CIP2A: variants seen among roughly 807,000 people sequenced by gnomAD.
CIP2A encodes cellular inhibitor of PP2A, also known as protein CIP2A.
In CIP2A, 103 loss-of-function variants were observed where a neutral mutation model predicts 110.9. The ratio of observed to expected loss-of-function variants is 0.93; its 90% CI spans 0.79 to 1.09. The LOEUF (loss-of-function observed/expected upper bound fraction) is 1.09, where lower values mean the gene tolerates loss of function less well. Ranked by LOEUF, CIP2A falls within the 50% of genes least tolerant of loss-of-function variation. CIP2A has a pLI of 0.00. For missense variants in CIP2A, 1,088 were observed against 1,038.4 expected (o/e 1.05, Z -0.66); for synonymous variants, 381 against 361.6 (o/e 1.05, Z -0.61).
chr3:108,571,873 A>C (rs977755976), intron 8 of CIP2A, among the ~76,000 whole-genome samples: 6 of 152,104 alleles, frequency 3.9e-5, no homozygotes, highest in Admixed American at 3.3e-4. Context: ...ATGAGAGTTA[A>C]AGTATGTTTG....
intron 9 of CIP2A, among the ~76,000 whole-genome samples, chr3:108,568,656 T>C (rs573758409): frequency 1.3e-5 from 2 of 152,028 alleles, no homozygotes; most frequent in Non-Finnish European, 1.5e-5. Context: ...ATAATAGACA[T>C]TGGTCTTAAT....
intron 1 of CIP2A, among the ~76,000 whole-genome samples, chr3:108,585,962 A>T (rs1296576396): frequency 6.6e-6 from 1 of 152,070 alleles, no homozygotes; most frequent in East Asian, 1.9e-4. Context: ...CTGGAACTAA[A>T]GGCCAAAAGC....
In CIP2A at chr3:108,560,783, G is replaced by T; in HGVS notation, c.1693C>A (p.Pro565Thr). ...AYRQQETEHI[P>T]RKMPWQSSNH... ...GATGATTGCCAGGGCATTTTTCTGG[G>T]TATATGTTCTGTTTCCTGTTGTCTA... Residue 565 changes from proline (P) to threonine (T), a missense_variant, in exon 14 of 21, where the codon CCC becomes ACC. Pro to Thr is a conservative substitution (Grantham distance 38, BLOSUM62 -1). Coordinates refer to ENST00000295746, the MANE Select transcript of CIP2A (RefSeq NM_020890.3). The T allele has an allele frequency of 1.2e-6, 2 of 1,612,746 alleles. No homozygotes were observed. The highest frequency in any genetic ancestry group is 1.7e-6 in the Non-Finnish European group (2 of 1,179,300).
intron 11 of CIP2A, among the ~76,000 whole-genome samples, chr3:108,565,846 T>G (rs1193832255): frequency 6.6e-6 from 1 of 151,772 alleles, no homozygotes; most frequent in Non-Finnish European, 1.5e-5. Context: ...GGTCATGTTC[T>G]GAGTTTTGTA....
intron 12 of CIP2A, 39 bp downstream of exon 12, chr3:108,565,316 G>T: frequency 2.1e-6 from 2 of 967,188 alleles, no homozygotes; most frequent in Non-Finnish European, 3.2e-6. Flanking sequence ...GACCATTTAT[G>T]TATGAATAAA....
At chr3:108,587,938 C>T (rs1373057917) in intron 1 of CIP2A, among the ~76,000 whole-genome samples, 2 of 152,020 alleles carry the variant, frequency 1.3e-5, no homozygotes, top group Admixed American at 1.3e-4. Flanking sequence ...GACGCCACGC[C>T]CAGGTAATTT....
At chr3:108,579,171 A>T (rs1452668541) in intron 7 of CIP2A, 110 bp downstream of exon 7, 6 of 823,212 alleles carry the variant, frequency 7.3e-6, no homozygotes, top group Non-Finnish European at 1.2e-5. Flanking sequence ...GTCTACTGTG[A>T]ATCAGTAGAA....
rs1404927399 is a variant in CIP2A at position 108,575,532 on chromosome 3, A to G, written c.894+739T>C. Among the ~76,000 whole-genome samples, 10 of 148,338 alleles carry G rather than the reference A, an allele frequency of 6.7e-5. 2 individuals carry two copies. The highest frequency in any genetic ancestry group is 2.1e-4 in the African/African-American group (8 of 38,530). ...TATATACACATACATATATACACGT[A>G]TATATACTCATATACATGTGTATAT... On this transcript the variant is annotated intron_variant, in intron 8 of 20. Transcript: ENST00000295746.
chr3:108,573,365 A>C (rs918972492), intron 8 of CIP2A, among the ~76,000 whole-genome samples: 4 of 152,002 alleles, frequency 2.6e-5, no homozygotes, highest in Admixed American at 6.6e-5. Context: ...CTTCCCCACC[A>C]AGATGTATTT....
chr3:108,562,572 T>C (rs1419273983), intron 13 of CIP2A, among the ~76,000 whole-genome samples: 2 of 152,196 alleles, frequency 1.3e-5, no homozygotes, highest in Non-Finnish European at 2.9e-5. Flanking sequence ...CTGAATTTTT[T>C]TTCAAACATA....
chr3:108,578,310 T>C (rs1045667735), intron 7 of CIP2A, among the ~76,000 whole-genome samples: 1 of 152,146 alleles, frequency 6.6e-6, no homozygotes, highest in East Asian at 1.9e-4. Flanking sequence ...TACATGGATA[T>C]TGGGAGAATC....
At position 108,569,609 on chromosome 3, in the gene CIP2A, T is replaced by C; in HGVS notation, c.895-2A>G. 4 of 1,608,212 alleles carry C rather than the reference T, an allele frequency of 2.5e-6. No individual in the cohort carries two copies. Among genetic ancestry groups the C allele is most frequent in the Non-Finnish European group, 3.4e-6 (4 of 1,175,730 alleles). On this transcript the variant is annotated splice_acceptor_variant, in intron 8 of 20. Transcript: ENST00000295746. LOFTEE classifies it high-confidence loss of function. ...GAAGGCAAGAAGTAATTCTAAAACC[T>C]GTGCAATATAAAGTGTTCATTAAAC...
At position 108,550,811 on chromosome 3, in the gene CIP2A, G is replaced by A. The variant is rs1200650352; in HGVS notation, c.*338C>T. The A allele has an allele frequency of 1.3e-5, 2 of 154,890 alleles. No individual in the cohort carries two copies. Among genetic ancestry groups the A allele is most frequent in the East Asian group, 1.9e-4 (1 of 5,342 alleles). The allele number at this position is 154,890 out of a possible 1,614,324, so 9.6% of individuals were successfully genotyped here. A position where few individuals can be genotyped will look rare whatever the true frequency, so the allele number is the denominator to read the frequency against. ...TCTTAAGATCTAAATAATCACAAAT[G>A]AGAATAAATAAGACAGGCAAAACAG... On this transcript the variant is annotated 3_prime_UTR_variant, in exon 21 of 21. Coordinates refer to ENST00000295746, the MANE Select transcript of CIP2A (RefSeq NM_020890.3).
intron 2 of CIP2A, among the ~76,000 whole-genome samples, chr3:108,583,468 G>A (rs745475024): frequency 1.3e-5 from 2 of 152,146 alleles, no homozygotes; most frequent in African/African-American, 4.8e-5. Context: ...AAGGCCATTA[G>A]GTTAAGTGAA....
intron 8 of CIP2A, 107 bp from the exon 9 acceptor site, chr3:108,569,714 TA>T: frequency 1.2e-6 from 1 of 845,426 alleles, no homozygotes. Flanking sequence ...GAAAATATTC[TA>T]AAACAAAACT....
At chr3:108,581,284 T>G in intron 5 of CIP2A, 131 bp downstream of exon 5, 2 of 644,126 alleles carry the variant, frequency 3.1e-6, no homozygotes, top group South Asian at 2.1e-5. Context: ...GACTCTTAAT[T>G]TTGATGGGTC....
intron 9 of CIP2A, among the ~76,000 whole-genome samples, chr3:108,568,626 AAAGT>A (rs1332789834): frequency 1.3e-5 from 2 of 152,080 alleles, no homozygotes; most frequent in African/African-American, 4.8e-5. Flanking sequence ...GAATCTGCTA[AAAGT>A]AATAACAATA....
In CIP2A at chr3:108,589,259, C is replaced by G; in HGVS notation, c.102+15G>C. On this transcript the variant is annotated intron_variant, in intron 1 of 20. Coordinates refer to ENST00000295746, the MANE Select transcript of CIP2A (RefSeq NM_020890.3). ...AGGGGAAGCCCCATCTGTCCTCTACCCCAGAGCCTCTCACCTCCAAGTGCC... is the reference window on the plus strand; with the variant it reads ...AGGGGAAGCCCCATCTGTCCTCTACGCCAGAGCCTCTCACCTCCAAGTGCC... 6.2e-7 allele frequency: 1 copy of G among 1,603,544 alleles called. No individual in the cohort carries two copies. The highest frequency in any genetic ancestry group is 1.1e-5 in the South Asian group (1 of 90,792).
At chr3:108,575,575 CAT>C (rs1247853492) in intron 8 of CIP2A, among the ~76,000 whole-genome samples, 13 of 149,078 alleles carry the variant, frequency 8.7e-5, no homozygotes, top group African/African-American at 1.3e-4. Flanking sequence ...TATATATACT[CAT>C]ATACATGTGT....
Sources: gnomAD v4.1 joint callset for allele counts (sites outside exome capture counted in the v4.1 genomes callset) on GRCh38, gnomAD v4.1.1 for gene constraint, MANE v1.5 for transcripts, NCBI Gene and HGNC (gene_info 2026-07-23, HGNC 2026-07-21) for gene names.